The following GAK variants were observed in gnomAD, a reference collection of about 807,000 sequenced individuals.
GAK encodes the protein cyclin-G-associated kinase.
Under a neutral mutation model 143.9 loss-of-function variants are expected in GAK, and 79 were observed. That is an observed-to-expected ratio of 0.55 (90% confidence interval 0.46 to 0.66). GAK has a LOEUF of 0.66. Among genes scored for constraint, GAK ranks in the 30% least tolerant of loss-of-function variants. The pLI, the probability that GAK is intolerant of heterozygous loss-of-function variation, is 0.00. For synonymous variants in GAK, 881 were observed against 765.5 expected (o/e 1.15, Z -2.49); for missense variants, 1,693 against 1,779.7 (o/e 0.95, Z 0.88).
intron 1 of GAK, 97 bp from the exon 2 acceptor site, chr4:913,765 G>T: frequency 9.2e-7 from 1 of 1,085,072 alleles, no homozygotes; most frequent in Non-Finnish European, 1.4e-6. Context: ...AAATTGACTT[G>T]TGGCGTGGCC....
Position 876,532 on chromosome 4 carries a change from G to C in GAK, c.2052C>G (p.Ala684=). The C allele has an allele frequency of 6.2e-7, 1 of 1,613,930 alleles. No individual in the cohort carries two copies. The highest frequency in any genetic ancestry group is 8.5e-7 in the Non-Finnish European group (1 of 1,179,818). Residue 684 remains alanine (A), a splice_region_variant and synonymous_variant, in exon 18 of 28, where the codon GCC becomes GCG. Coordinates refer to ENST00000314167, the MANE Select transcript of GAK (RefSeq NM_005255.4). ...VPRNATTVKF[A]KYDLDACDIQ... The stretch of plus-strand genomic sequence containing the variant: ...GAGCACAAGCGGTACCAACGTACTT[G>C]GCAAATTTCACAGTGGTGGCGTTCC...
chr4:897,003 A>G (rs1718930184), intron 6 of GAK, among the ~76,000 whole-genome samples: 1 of 152,200 alleles, frequency 6.6e-6, no homozygotes, highest in African/African-American at 2.4e-5. Context: ...GACTGGTTCA[A>G]GGTTAACAAT....
intron 24 of GAK, among the ~76,000 whole-genome samples, chr4:858,749 A>C (rs887720696): frequency 2.0e-5 from 3 of 152,072 alleles, no homozygotes. Context: ...GAGAGTGAGG[A>C]CTCGAAGCCA....
chr4:896,507 T>C lies in GAK; in HGVS notation c.694A>G (p.Ile232Val). The C allele has an allele frequency of 6.2e-7, 1 of 1,614,094 alleles. No homozygotes were observed. The highest frequency in any genetic ancestry group is 8.5e-7 in the Non-Finnish European group (1 of 1,179,948). The change falls in exon 7 of 28, where the codon ATA becomes GTA. Residue 232 changes from isoleucine (I) to valine (V), a missense_variant. Around this residue, in one of 2 missense-constraint regions of GAK, gnomAD observed 871 missense variants for 991.0 expected, o/e 0.88. Transcript: ENST00000314167. Reference protein sequence around the residue: ...TTPMYRTPEIIDLYSNFPIGE... With the variant: ...TTPMYRTPEIVDLYSNFPIGE... ...ATCGGGAAGTTGGAATACAAGTCTA[T>C]GATTTCTGGTGTTCTATACATTGGT...
chr4:858,903 C>T (rs1321698985), intron 24 of GAK, among the ~76,000 whole-genome samples: 1 of 152,196 alleles, frequency 6.6e-6, no homozygotes, highest in Non-Finnish European at 1.5e-5. Context: ...CTGGAGCGTC[C>T]GGGGGTCACC....
intron 2 of GAK, 131 bp from the exon 3 acceptor site, chr4:912,925 G>C (rs889779482): frequency 8.0e-6 from 5 of 621,674 alleles, no homozygotes; most frequent in Non-Finnish European, 1.1e-5. Flanking sequence ...CCCGTTTCGT[G>C]TGTCTCCACC....
chr4:875,382 A>C (rs1713635213), intron 18 of GAK, among the ~76,000 whole-genome samples: 1 of 152,400 alleles, frequency 6.6e-6, no homozygotes, highest in African/African-American at 2.4e-5. Context: ...AAACACAAGA[A>C]GACACCCCGG....
intron 24 of GAK, 92 bp downstream of exon 24, chr4:859,514 A>T (rs757656786): frequency 3.1e-6 from 5 of 1,597,316 alleles, no homozygotes; most frequent in Non-Finnish European, 4.3e-6. Context: ...AGAGGCAAAG[A>T]CTTCACTTTG....
chr4:880,717 A>C (rs530731504), intron 15 of GAK, among the ~76,000 whole-genome samples: 1 of 152,212 alleles, frequency 6.6e-6, no homozygotes, highest in African/African-American at 2.4e-5. Context: ...GACTCTCCTT[A>C]GATTCTGGGC....
intron 23 of GAK, among the ~76,000 whole-genome samples, chr4:863,417 G>A (rs1373946144): frequency 6.6e-6 from 1 of 152,256 alleles, no homozygotes; most frequent in Non-Finnish European, 1.5e-5. Flanking sequence ...AAACTTAGTT[G>A]ACACAGCAGT....
chr4:871,730 G>A (rs1225707245), intron 18 of GAK, among the ~76,000 whole-genome samples: 1 of 151,812 alleles, frequency 6.6e-6, no homozygotes, highest in Non-Finnish European at 1.5e-5. Flanking sequence ...AGCAGGGCCC[G>A]CCTTGGGGTG....
At chr4:910,258 C>T (rs1443630817) in intron 4 of GAK, among the ~76,000 whole-genome samples, 1 of 152,112 alleles carries the variant, frequency 6.6e-6, no homozygotes, top group African/African-American at 2.4e-5. Context: ...CAGGGCTCCC[C>T]CAGCTCAGCA....
chr4:849,950 G>T lies in GAK; in HGVS notation c.3776C>A (p.Ala1259Asp). Reference protein sequence around the residue: ...WTPVGMADLVAPEQVKKHYRR... With the variant: ...WTPVGMADLVDPEQVKKHYRR... ...ATAGTGCTTCTTCACTTGCTCCGGAGCCACCAGGTCGGCCATGCCCACGGG... is the reference window on the plus strand; with the variant it reads ...ATAGTGCTTCTTCACTTGCTCCGGATCCACCAGGTCGGCCATGCCCACGGG... Residue 1259 changes from alanine to aspartate, a missense_variant, in exon 27 of 28, where the codon GCT becomes GAT. By Grantham distance (126) the Ala-to-Asp change is moderately radical. Transcript: ENST00000314167. 6.2e-7 allele frequency: 1 copy of T among 1,611,850 alleles called. No homozygotes were observed. Among genetic ancestry groups the T allele is most frequent in the East Asian group, 2.2e-5 (1 of 44,816 alleles).
At chr4:852,267 C>T in intron 24 of GAK, 1 of 465,672 alleles carries the variant, frequency 2.1e-6, no homozygotes, top group Non-Finnish European at 3.8e-6. Context: ...AGACCCAGGG[C>T]TTGTCCACGG....
At position 851,869 on chromosome 4, in the gene GAK, G is replaced by T; in HGVS notation, c.3389C>A (p.Ser1130Ter). The change falls in exon 25 of 28, where the codon TCA becomes TAA. Residue 1130 changes from serine to a stop codon, truncating the protein, a stop_gained. Transcript: ENST00000314167. LOFTEE classifies it high-confidence loss of function. ...GGGCGGCTTGGCCTGAGGGGGCCATGAGGCGCCCTGGGCTGGCGGCCGACT... is the reference window on the plus strand; with the variant it reads ...GGGCGGCTTGGCCTGAGGGGGCCATTAGGCGCCCTGGGCTGGCGGCCGACT... ...QTSRPPAQGA[S>*]WPPQAKPPPK... 1 of 1,609,466 alleles carries T rather than the reference G, an allele frequency of 6.2e-7. No homozygotes were observed. Among genetic ancestry groups the T allele is most frequent in the Non-Finnish European group, 8.5e-7 (1 of 1,177,160 alleles).
intron 18 of GAK, among the ~76,000 whole-genome samples, chr4:874,121 C>CTGTGTG (rs144267254): frequency 1.3e-5 from 2 of 151,962 alleles, no homozygotes; most frequent in East Asian, 1.9e-4. Context: ...CCCTCCTCGG[C>CTGTGTG]TGTGTGTGTG....
At chr4:915,250 G>A (rs1230483281) in intron 1 of GAK, among the ~76,000 whole-genome samples, 3 of 151,560 alleles carry the variant, frequency 2.0e-5, no homozygotes, top group Admixed American at 6.6e-5. Context: ...CCCAGCGTGC[G>A]CGGCCCCAGT....
intron 5 of GAK, among the ~76,000 whole-genome samples, chr4:900,272 A>G (rs1304512082): frequency 6.6e-6 from 1 of 152,212 alleles, no homozygotes; most frequent in Non-Finnish European, 1.5e-5. Context: ...AGGACGACGC[A>G]CGGGGCAGGC....
At chr4:902,656 G>C (rs921988996) in intron 5 of GAK, among the ~76,000 whole-genome samples, 1 of 142,432 alleles carries the variant, frequency 7.0e-6, no homozygotes, top group African/African-American at 2.7e-5. Context: ...CACGGAGGAC[G>C]AGGCCCACCA....
Sources: gnomAD v4.1 joint callset for allele counts (sites outside exome capture counted in the v4.1 genomes callset) on GRCh38, gnomAD v4.1.1 for gene constraint, gnomAD v4.1.1 regional missense constraint, MANE v1.5 for transcripts, NCBI Gene and HGNC (gene_info 2026-07-23, HGNC 2026-07-21) for gene names.